Variants in EXOC6B observed in about 807,000 individuals in gnomAD.
EXOC6B encodes the protein SEC15 homolog B.
In EXOC6B, 54 loss-of-function variants were observed where a neutral mutation model predicts 113.5. The ratio of observed to expected loss-of-function variants is 0.48; its 90% CI spans 0.38 to 0.60. The LOEUF is 0.60. Among genes scored for constraint, EXOC6B ranks in the 20% least tolerant of loss-of-function variants. EXOC6B has a pLI of 0.00. For missense variants in EXOC6B, 797 were observed against 977.5 expected, an observed-to-expected ratio of 0.82 and a Z score of 2.46; for synonymous variants, 357 against 339.0, an observed-to-expected ratio of 1.05 and a Z score of -0.58.
chr2:72,215,804 T>TAGAA (rs1680493215), intron 20 of EXOC6B, among the ~76,000 whole-genome samples: 2 of 152,000 alleles, frequency 1.3e-5, no homozygotes, highest in Admixed American at 6.5e-5. Flanking sequence ...GGCCTCCTTC[T>TAGAA]GGAGGCCTTG....
In EXOC6B at chr2:72,653,970, A is replaced by ATTT. The variant is rs58589218; in HGVS notation, c.669+64130_669+64132dup. On this transcript the variant is annotated intron_variant, in intron 6 of 21. Transcript: ENST00000272427. ...TGGTACAATGTCATGAATTTTATTT[A>ATTT]TTTTTTTTTTTTTTTTTGAGACGGA... Among the ~76,000 whole-genome samples the ATTT allele has an allele frequency of 2.6e-3, 351 of 136,452 alleles. 2 individuals carry two copies. The highest frequency in any genetic ancestry group is 8.0e-3 in the African/African-American group (297 of 36,916). 89.5% of individuals were successfully genotyped at this position (136,452 alleles called of 152,430 possible). A position where few individuals can be genotyped will look rare whatever the true frequency, so the allele number is the denominator to read the frequency against.
Position 72,658,248 on chromosome 2 carries a change from T to C in EXOC6B, c.669+59855A>G, listed in dbSNP as rs185495675. Reference sequence around the variant, plus strand: ...AGGAAAGAAATCAAAGATAATTACATACTATATAAAAACTAGGGGAAAAAA... The same window carrying C: ...AGGAAAGAAATCAAAGATAATTACACACTATATAAAAACTAGGGGAAAAAA... On this transcript the variant is annotated intron_variant, in intron 6 of 21. Coordinates refer to ENST00000272427, the MANE Select transcript of EXOC6B (RefSeq NM_015189.3). Among the ~76,000 whole-genome samples, 214 of 64,606 alleles carry C rather than the reference T, an allele frequency of 3.3e-3. 1 individual carries two copies. Among genetic ancestry groups the C allele is most frequent in the Non-Finnish European group, 5.2e-3 (163 of 31,390 alleles). 42.4% of individuals were successfully genotyped at this position (64,606 alleles called of 152,430 possible). A position where few individuals can be genotyped will look rare whatever the true frequency, so the allele number is the denominator to read the frequency against.
chr2:72,689,379 A>G (rs1677324574), intron 6 of EXOC6B, among the ~76,000 whole-genome samples: 1 of 152,200 alleles, frequency 6.6e-6, no homozygotes, highest in Admixed American at 6.5e-5. Context: ...TCTCACTCAC[A>G]GCGCACTTCA....
At chr2:72,449,476 T>C (rs1245578535) in intron 18 of EXOC6B, among the ~76,000 whole-genome samples, 1 of 140,058 alleles carries the variant, frequency 7.1e-6, no homozygotes, top group Admixed American at 6.8e-5. Context: ...TGGCCAGCAT[T>C]GTCAATTTTT....
At chr2:72,575,874 G>A (rs912124227) in intron 6 of EXOC6B, among the ~76,000 whole-genome samples, 2 of 152,096 alleles carry the variant, frequency 1.3e-5, no homozygotes, top group African/African-American at 4.8e-5. Context: ...TCACATTAAT[G>A]TATACCTTTT....
At chr2:72,447,506 T>C (rs1239538820) in intron 18 of EXOC6B, among the ~76,000 whole-genome samples, 1 of 152,182 alleles carries the variant, frequency 6.6e-6, no homozygotes, top group Non-Finnish European at 1.5e-5. Flanking sequence ...GTCACTCTCT[T>C]CTTTATGAGC....
chr2:72,276,947 C>G (rs1684840085), intron 20 of EXOC6B, among the ~76,000 whole-genome samples: 2 of 152,158 alleles, frequency 1.3e-5, no homozygotes, highest in South Asian at 4.1e-4. Context: ...TGTCAATCTT[C>G]TTTGATAAAA....
chr2:72,181,987 G>C (rs41411), intron 21 of EXOC6B, among the ~76,000 whole-genome samples: 57,118 of 152,106 alleles, frequency 0.38, 11,946 homozygotes, highest in African/African-American at 0.54. Flanking sequence ...TTGTCTTTCT[G>C]TTTCGCCCTG....
chr2:72,394,790 A>G lies in EXOC6B; in HGVS notation c.1981-14920T>C, dbSNP rs184945336. On this transcript the variant is annotated intron_variant, in intron 18 of 21. Coordinates refer to ENST00000272427, the MANE Select transcript of EXOC6B (RefSeq NM_015189.3). Reference sequence around the variant, plus strand: ...ATGATGAAATAATCTACAAAGCCCTATTAGTTCCTGTTTTCTGACCCTATC... The same window carrying G: ...ATGATGAAATAATCTACAAAGCCCTGTTAGTTCCTGTTTTCTGACCCTATC... Among the ~76,000 whole-genome samples the G allele has an allele frequency of 9.2e-5, 14 of 152,270 alleles. 1 individual carries two copies. The highest frequency in any genetic ancestry group is 9.2e-4 in the Admixed American group (14 of 15,290).
At chr2:72,714,279 T>C (rs190604378) in intron 6 of EXOC6B, among the ~76,000 whole-genome samples, 103 of 152,172 alleles carry the variant, frequency 6.8e-4, no homozygotes, top group Non-Finnish European at 1.3e-3. Context: ...GGTCAGGCAG[T>C]GGGCAGTAAG....
chr2:72,351,613 TGTAAA>T (rs1414041300), intron 19 of EXOC6B, among the ~76,000 whole-genome samples: 1 of 152,228 alleles, frequency 6.6e-6, no homozygotes, highest in African/African-American at 2.4e-5. Context: ...ATGCTTATAC[TGTAAA>T]GTAATTTGTT....
chr2:72,207,710 G>C (rs186371958), intron 20 of EXOC6B, among the ~76,000 whole-genome samples: 1 of 152,276 alleles, frequency 6.6e-6, no homozygotes, highest in East Asian at 1.9e-4. Flanking sequence ...GGAAGTATTA[G>C]ATGTTTTGAT....
chr2:72,550,860 A>ATTTTT (rs1703171661), intron 8 of EXOC6B, among the ~76,000 whole-genome samples: 2 of 152,044 alleles, frequency 1.3e-5, no homozygotes, highest in South Asian at 4.1e-4. Context: ...TACTGTGTCT[A>ATTTTT]ACCATTAGCA....
chr2:72,566,778 T>C (rs144075057), intron 7 of EXOC6B, among the ~76,000 whole-genome samples: 1 of 152,162 alleles, frequency 6.6e-6, no homozygotes, highest in East Asian at 1.9e-4. Flanking sequence ...TCATTTAGTG[T>C]CCATGTATAG....
intron 20 of EXOC6B, among the ~76,000 whole-genome samples, chr2:72,329,556 G>C (rs1423987750): frequency 1.3e-5 from 2 of 152,088 alleles, no homozygotes; most frequent in South Asian, 2.1e-4. Flanking sequence ...AATTATTAAA[G>C]TTAAGATTTT....
intron 6 of EXOC6B, among the ~76,000 whole-genome samples, chr2:72,663,472 T>C (rs1573579658): frequency 6.6e-6 from 1 of 152,178 alleles, no homozygotes; most frequent in East Asian, 1.9e-4. Flanking sequence ...TGAAGAAGCT[T>C]GAAAATTACA....
At chr2:72,448,422 T>C (rs947591659) in intron 18 of EXOC6B, among the ~76,000 whole-genome samples, 1 of 152,174 alleles carries the variant, frequency 6.6e-6, no homozygotes, top group Non-Finnish European at 1.5e-5. Context: ...GGTAATATCT[T>C]ACAATGTGAC....
At chr2:72,663,477 A>G (rs1056508176) in intron 6 of EXOC6B, among the ~76,000 whole-genome samples, 5 of 152,360 alleles carry the variant, frequency 3.3e-5, no homozygotes, top group Admixed American at 2.6e-4. Context: ...AAGCTTGAAA[A>G]TTACAAAACA....
chr2:72,451,622 C>T (rs1414539926), intron 18 of EXOC6B, among the ~76,000 whole-genome samples: 1 of 150,502 alleles, frequency 6.6e-6, no homozygotes, highest in Non-Finnish European at 1.5e-5. Context: ...GGATGTATTG[C>T]AGGGTAGAAA....
Sources: allele counts gnomAD v4.1 joint callset (sites outside exome capture counted in the v4.1 genomes callset), GRCh38; gene constraint gnomAD v4.1.1; transcripts MANE v1.5; gene names NCBI Gene and HGNC (gene_info 2026-07-23, HGNC 2026-07-21).